The following CCSER1 variants were observed in gnomAD, a reference collection of about 807,000 sequenced individuals.
CCSER1 encodes coiled-coil serine rich protein 1.
CCSER1 carries 41 observed loss-of-function variants against 82.0 expected under a neutral mutation model. That is an observed-to-expected ratio of 0.50 (90% CI 0.39 to 0.65). The LOEUF is 0.65. CCSER1 is among the 30% of genes least tolerant of loss of function. CCSER1 has a pLI of 0.00. For missense variants in CCSER1, 1,119 were observed against 1,064.2 expected, an observed-to-expected ratio of 1.05 and a Z score of -0.72; for synonymous variants, 414 against 383.9, an observed-to-expected ratio of 1.08 and a Z score of -0.92.
intron 10 of CCSER1, among the ~76,000 whole-genome samples, chr4:91,138,957 T>C (rs1176780524): frequency 6.6e-6 from 1 of 152,154 alleles, no homozygotes; most frequent in Non-Finnish European, 1.5e-5. Context: ...TGCTGAGGTT[T>C]GGGCTATGAA....
At chr4:90,427,944 G>T (rs2153564830) in intron 4 of CCSER1, among the ~76,000 whole-genome samples, 1 of 151,840 alleles carries the variant, frequency 6.6e-6, no homozygotes, top group South Asian at 2.1e-4. Context: ...CATACCTATG[G>T]TTTTGTTATA....
intron 10 of CCSER1, among the ~76,000 whole-genome samples, chr4:91,359,644 A>AT (rs1448527362): frequency 6.6e-6 from 1 of 151,896 alleles, no homozygotes; most frequent in Non-Finnish European, 1.5e-5. Flanking sequence ...AATTTGGTTG[A>AT]TAAAGGGGTT....
intron 10 of CCSER1, among the ~76,000 whole-genome samples, chr4:91,239,069 C>T: frequency 6.6e-6 from 1 of 151,688 alleles, no homozygotes; most frequent in Non-Finnish European, 1.5e-5. Flanking sequence ...CGTGATCCCC[C>T]CCACCTCAGC....
intron 10 of CCSER1, chr4:91,325,245 T>C (rs566683311): frequency 1.1e-5 from 5 of 449,022 alleles, no homozygotes; most frequent in African/African-American, 1.0e-4. Flanking sequence ...TCTAAGCCTG[T>C]GCACATGGGT....
intron 10 of CCSER1, among the ~76,000 whole-genome samples, chr4:91,409,622 C>A (rs1395271667): frequency 6.6e-6 from 1 of 151,832 alleles, no homozygotes; most frequent in Non-Finnish European, 1.5e-5. Flanking sequence ...TTATAGCTAC[C>A]CAAAGTATAA....
At chr4:90,226,866 A>G (rs1236295263) in intron 1 of CCSER1, among the ~76,000 whole-genome samples, 1 of 152,220 alleles carries the variant, frequency 6.6e-6, no homozygotes, top group African/African-American at 2.4e-5. Context: ...CTCCCAGCCA[A>G]TGACTGAGCA....
intron 9 of CCSER1, among the ~76,000 whole-genome samples, chr4:90,997,799 G>A (rs1737633429): frequency 6.6e-6 from 1 of 152,044 alleles, no homozygotes; most frequent in Non-Finnish European, 1.5e-5. Context: ...TTCTCCCTTG[G>A]AAACTTTACA....
chr4:91,105,736 AAAAT>A (rs1256478175), intron 10 of CCSER1, among the ~76,000 whole-genome samples: 1 of 152,072 alleles, frequency 6.6e-6, no homozygotes, highest in Non-Finnish European at 1.5e-5. Context: ...AAATAAAAAT[AAAAT>A]AACCCTTGTA....
At chr4:91,039,153 G>C (rs1581398999) in intron 9 of CCSER1, among the ~76,000 whole-genome samples, 1 of 151,834 alleles carries the variant, frequency 6.6e-6, no homozygotes, top group South Asian at 2.1e-4. Flanking sequence ...TAAGCCTCCT[G>C]AGTATCTGGG....
intron 3 of CCSER1, among the ~76,000 whole-genome samples, chr4:90,393,772 C>CTT (rs997027362): frequency 0.073 from 8,142 of 110,884 alleles, 313 homozygotes; most frequent in East Asian, 0.24. Context: ...TTATATCTTC[C>CTT]TTTTTTTTTT....
chr4:91,402,920 A>C (rs986898278), intron 10 of CCSER1, among the ~76,000 whole-genome samples: 1 of 152,116 alleles, frequency 6.6e-6, no homozygotes, highest in Non-Finnish European at 1.5e-5. Flanking sequence ...AGTTTTTTCC[A>C]ATTCTGTGAA....
chr4:91,145,182 T>G (rs1163541776), intron 10 of CCSER1, among the ~76,000 whole-genome samples: 1 of 152,164 alleles, frequency 6.6e-6, no homozygotes, highest in Admixed American at 6.5e-5. Flanking sequence ...AGTCTTTTTG[T>G]TCAATTGAAA....
intron 7 of CCSER1, among the ~76,000 whole-genome samples, chr4:90,775,771 A>G (rs1000883524): frequency 1.3e-5 from 2 of 152,164 alleles, no homozygotes; most frequent in Admixed American, 6.5e-5. Flanking sequence ...GTGGAGTAAG[A>G]GATTGGATAT....
intron 9 of CCSER1, among the ~76,000 whole-genome samples, chr4:91,021,071 T>A (rs957282150): frequency 4.6e-5 from 7 of 152,266 alleles, no homozygotes; most frequent in African/African-American, 1.7e-4. Flanking sequence ...GCCAACTTAT[T>A]TTTGAAATTA....
chr4:91,082,167 C>A (rs1722835055), intron 9 of CCSER1, among the ~76,000 whole-genome samples: 1 of 152,162 alleles, frequency 6.6e-6, no homozygotes, highest in African/African-American at 2.4e-5. Flanking sequence ...TCAAAGTATA[C>A]TACAAGGCTA....
At chr4:90,987,561 GCA>G (rs1343698151) in intron 9 of CCSER1, among the ~76,000 whole-genome samples, 2 of 151,452 alleles carry the variant, frequency 1.3e-5, no homozygotes, top group African/African-American at 2.4e-5. Flanking sequence ...TTGTACCAAG[GCA>G]CCCATTCATA....
chr4:91,432,593 GA>G (rs1178848096), intron 10 of CCSER1, among the ~76,000 whole-genome samples: 8 of 152,012 alleles, frequency 5.3e-5, no homozygotes, highest in African/African-American at 1.9e-4. Context: ...ACTGGTAGGT[GA>G]AAAAAATATC....
chr4:90,344,876 A>AT (rs922659303), intron 3 of CCSER1, among the ~76,000 whole-genome samples: 1 of 152,104 alleles, frequency 6.6e-6, no homozygotes, highest in African/African-American at 2.4e-5. Flanking sequence ...TAAATATGCT[A>AT]TTTTTACAGA....
chr4:91,017,822 TG>T (rs1739567703), intron 9 of CCSER1, among the ~76,000 whole-genome samples: 1 of 141,010 alleles, frequency 7.1e-6, no homozygotes, highest in Non-Finnish European at 1.6e-5. Flanking sequence ...TGTGTGTGTG[TG>T]TGTGTGTGTG....
Sources: allele counts gnomAD v4.1 joint callset (sites outside exome capture counted in the v4.1 genomes callset), GRCh38; gene constraint gnomAD v4.1.1; transcripts MANE v1.5; gene names NCBI Gene and HGNC (gene_info 2026-07-23, HGNC 2026-07-21).